Variants in CELF2 observed in about 807,000 individuals in gnomAD.
CELF2 encodes the protein CUGBP Elav-like family member 2, also known as CUG triplet repeat RNA-binding protein 2.
A neutral mutation model predicts 62.6 loss-of-function variants in CELF2; 8 were observed. The ratio of observed to expected loss-of-function variants is 0.13; its 90% CI spans 0.07 to 0.23. The LOEUF (loss-of-function observed/expected upper bound fraction) is 0.23, where lower values mean the gene tolerates loss of function less well. CELF2 is among the 10% of genes least tolerant of loss of function. The pLI, the probability that CELF2 is intolerant of heterozygous loss-of-function variation, is 1.00. For missense variants in CELF2, 333 were observed against 671.0 expected, an observed-to-expected ratio of 0.50 and a Z score of 5.56; for synonymous variants, 258 against 250.0, an observed-to-expected ratio of 1.03 and a Z score of -0.30.
intron 2 of CELF2, among the ~76,000 whole-genome samples, chr10:10,935,568 T>A (rs1244713647): frequency 6.6e-6 from 1 of 152,204 alleles, no homozygotes; most frequent in African/African-American, 2.4e-5. Context: ...TGTTTGTTAA[T>A]GTGTGTGGCC....
At chr10:11,288,803 A>G (rs1027606854) in intron 9 of CELF2, among the ~76,000 whole-genome samples, 3 of 152,262 alleles carry the variant, frequency 2.0e-5, no homozygotes, top group African/African-American at 7.2e-5. Flanking sequence ...GTTCTCACAC[A>G]TTCACTCTGT....
chr10:10,905,818 C>T (rs2063294122), intron 1 of CELF2, among the ~76,000 whole-genome samples: 1 of 150,944 alleles, frequency 6.6e-6, no homozygotes, highest in Admixed American at 6.6e-5. Context: ...GCGGAGCTTG[C>T]AGTGAGCCAA....
chr10:11,227,462 G>C lies in CELF2; in HGVS notation c.354+9955G>C, dbSNP rs985898198. 1.3e-5 allele frequency among the ~76,000 whole-genome samples: 2 copies of C among 152,178 alleles called. No individual in the cohort carries two copies. Among genetic ancestry groups the C allele is most frequent in the African/African-American group, 2.4e-5 (1 of 41,440 alleles). ...GCAAAGTCAAGGCAAAGGAGGATGG[G>C]TGCCAGGGGTGCCTCTGCATGAAGT... On this transcript the variant is annotated intron_variant, in intron 3 of 12. Transcript: ENST00000633077. The surrounding 1 kb of genome is among the most constrained non-coding windows in gnomAD (Gnocchi z 4.8).
chr10:11,188,372 C>T (rs1320595328), intron 2 of CELF2, among the ~76,000 whole-genome samples: 4 of 152,104 alleles, frequency 2.6e-5, no homozygotes, highest in Admixed American at 6.5e-5. Flanking sequence ...CCCAAAGTGG[C>T]GGGATTACAG....
chr10:11,258,664 C>T (rs1373487203), intron 5 of CELF2, among the ~76,000 whole-genome samples: 1 of 152,206 alleles, frequency 6.6e-6, no homozygotes, highest in Non-Finnish European at 1.5e-5. Context: ...CTGCACTTCC[C>T]TGAGTCAGTC....
intron 1 of CELF2, among the ~76,000 whole-genome samples, chr10:11,077,066 C>G (rs2072204989): frequency 6.6e-6 from 1 of 152,196 alleles, no homozygotes; most frequent in African/African-American, 2.4e-5. Flanking sequence ...ATTTCCTCCC[C>G]TATAAAACGG....
At chr10:10,725,310 T>C in the CELF2 span, among the ~76,000 whole-genome samples, 1 of 152,216 alleles carries the variant, frequency 6.6e-6, no homozygotes, top group Non-Finnish European at 1.5e-5. Context: ...AGAGCACCTC[T>C]CTAGTTTGAC....
At chr10:10,757,467 A>G in the CELF2 span, among the ~76,000 whole-genome samples, 1 of 152,134 alleles carries the variant, frequency 6.6e-6, no homozygotes, top group Non-Finnish European at 1.5e-5. Flanking sequence ...AAAAAATAAA[A>G]TAGAATAAAA....
rs2087754644 is a variant in CELF2, at chr10:11,280,021, G to A, written c.841+4901G>A. On this transcript the variant is annotated intron_variant, in intron 8 of 12. Coordinates refer to ENST00000633077, the MANE Select transcript of CELF2 (RefSeq NM_001326342.2). The surrounding 1 kb of genome is among the most constrained non-coding windows in gnomAD (Gnocchi z 7.6). ...CAAATGCAGTTTTTCTTCTCGGAAAGGAACCGTTTGCCAAGCACGCGCCCT... is the reference window on the plus strand; with the variant it reads ...CAAATGCAGTTTTTCTTCTCGGAAAAGAACCGTTTGCCAAGCACGCGCCCT... 6.6e-6 allele frequency among the ~76,000 whole-genome samples: 1 copy of A among 152,142 alleles called. No individual in the cohort carries two copies. Among genetic ancestry groups the A allele is most frequent in the Non-Finnish European group, 1.5e-5 (1 of 68,026 alleles).
At chr10:10,834,087 A>G (rs2058084865) in intron 1 of CELF2, among the ~76,000 whole-genome samples, 1 of 152,260 alleles carries the variant, frequency 6.6e-6, no homozygotes, top group Non-Finnish European at 1.5e-5. Context: ...AGTGGACTGG[A>G]TAAAGAAAAT....
chr10:11,130,748 G>A (rs779681357), intron 1 of CELF2, among the ~76,000 whole-genome samples: 19 of 152,196 alleles, frequency 1.2e-4, no homozygotes, highest in Non-Finnish European at 1.6e-4. Flanking sequence ...TGTTGGGTAA[G>A]TGAAGATTAT....
At chr10:10,668,977 G>T in the CELF2 span, among the ~76,000 whole-genome samples, 1 of 151,996 alleles carries the variant, frequency 6.6e-6, no homozygotes, top group Non-Finnish European at 1.5e-5. Flanking sequence ...CAAACAAAAG[G>T]TTACATACAA....
At chr10:10,763,477 A>C in the CELF2 span, among the ~76,000 whole-genome samples, 1 of 152,192 alleles carries the variant, frequency 6.6e-6, no homozygotes, top group East Asian at 1.9e-4. Context: ...CCCACCCTGC[A>C]TGGTCATGCA....
At chr10:10,852,277 A>G (rs1023341184) in intron 1 of CELF2, among the ~76,000 whole-genome samples, 4 of 152,246 alleles carry the variant, frequency 2.6e-5, no homozygotes, top group East Asian at 1.9e-4. Context: ...GAAACAAACT[A>G]TGGGTTTATG....
At chr10:10,652,887 G>A in the CELF2 span, among the ~76,000 whole-genome samples, 6 of 151,846 alleles carry the variant, frequency 4.0e-5, no homozygotes, top group Non-Finnish European at 7.4e-5. Context: ...AACTTTAAAT[G>A]GATTAAATTC....
At position 11,260,711 on chromosome 10, in the gene CELF2, G is replaced by T. The variant is rs1257657551; in HGVS notation, c.538+2839G>T. ...GGTGAACTGATGAGAATTCCCTGTT[G>T]CAAAAAAAGAAAAATAAGAAAGAAA... On this transcript the variant is annotated intron_variant, in intron 5 of 12. Transcript: ENST00000633077. The surrounding 1 kb of genome is among the most constrained non-coding windows in gnomAD (Gnocchi z 4.2). Among the ~76,000 whole-genome samples, 1 of 149,780 alleles carries T rather than the reference G, an allele frequency of 6.7e-6. No homozygotes were observed.
intron 9 of CELF2, among the ~76,000 whole-genome samples, chr10:11,304,331 C>A (rs528851438): frequency 9.2e-5 from 14 of 152,302 alleles, no homozygotes; most frequent in Admixed American, 7.8e-4. Context: ...TACAAAAACC[C>A]ACCCAGACCA....
At chr10:10,900,468 A>T (rs937029244) in intron 1 of CELF2, among the ~76,000 whole-genome samples, 25 of 152,210 alleles carry the variant, frequency 1.6e-4, no homozygotes, top group African/African-American at 5.8e-4. Flanking sequence ...CCACATAATC[A>T]TCTCAATAGA....
At chr10:10,472,144 A>T in the CELF2 span, among the ~76,000 whole-genome samples, 1 of 151,796 alleles carries the variant, frequency 6.6e-6, no homozygotes, top group Non-Finnish European at 1.5e-5. Flanking sequence ...TTCTATGCCA[A>T]ATTTGGGGGA....
Sources: gnomAD v4.1 joint callset for allele counts (sites outside exome capture counted in the v4.1 genomes callset) on GRCh38, gnomAD v4.1.1 for gene constraint, Gnocchi (gnomAD v3.1) non-coding constraint, MANE v1.5 for transcripts, NCBI Gene and HGNC (gene_info 2026-07-23, HGNC 2026-07-21) for gene names.